FANCC: variants seen among roughly 807,000 people sequenced by gnomAD.
FANCC encodes the protein Fanconi anemia group C protein.
FANCC carries 55 observed loss-of-function variants against 71.3 expected under a neutral mutation model. That is an observed-to-expected ratio of 0.77 (90% CI 0.62 to 0.97). The LOEUF is 0.97. Ranked by LOEUF, FANCC falls within the 50% of genes least tolerant of loss-of-function variation. The pLI is 0.00. For synonymous variants in FANCC, 275 were observed against 244.9 expected, an observed-to-expected ratio of 1.12 and a Z score of -1.15; for missense variants, 678 against 670.9, an observed-to-expected ratio of 1.01 and a Z score of -0.12.
chr9:95,145,381 A>C (rs1362948411), intron 7 of FANCC: 1 of 152,224 alleles, frequency 6.6e-6, no homozygotes, highest in Non-Finnish European at 1.5e-5. Context: ...AGATCACAAA[A>C]GCTTAACAAA....
chr9:95,313,973 G>C (rs780131962), intron 1 of FANCC, among the ~76,000 whole-genome samples: 1 of 152,148 alleles, frequency 6.6e-6, no homozygotes, highest in Non-Finnish European at 1.5e-5. Flanking sequence ...TACAGCTAAC[G>C]TCGTATCTAA....
intron 4 of FANCC, among the ~76,000 whole-genome samples, chr9:95,233,221 A>C (rs993260586): frequency 5.9e-5 from 9 of 152,042 alleles, no homozygotes; most frequent in Non-Finnish European, 1.0e-4. Flanking sequence ...AAAAAAAAAA[A>C]CCCTGAGGTT....
intron 4 of FANCC, among the ~76,000 whole-genome samples, chr9:95,219,002 A>G (rs1307816694): frequency 6.6e-6 from 1 of 152,200 alleles, no homozygotes; most frequent in Non-Finnish European, 1.5e-5. Context: ...AGCATGGGAG[A>G]GACAAAGAGA....
At chr9:95,272,567 T>C (rs1310774685) in intron 1 of FANCC, among the ~76,000 whole-genome samples, 1 of 151,994 alleles carries the variant, frequency 6.6e-6, no homozygotes, top group Non-Finnish European at 1.5e-5. Context: ...CGTGGTGTCA[T>C]ATGTCTGTAA....
rs1834136774 is a variant in FANCC at position 95,292,871 on chromosome 9, C to A, written c.-79+24655G>T. On this transcript the variant is annotated intron_variant, in intron 1 of 14. Coordinates refer to ENST00000289081, the MANE Select transcript of FANCC (RefSeq NM_000136.3). ...GCAATTCGTACGGTACAGAATGGGA[C>A]CTGAAAAGACTTGCAGAGGACTGTG... is the stretch of plus-strand genomic sequence containing the variant. The A allele has an allele frequency of 2.5e-6, 4 of 1,585,300 alleles. No individual in the cohort carries two copies. The East Asian group carries it at 8.9e-5, about 35-fold the overall frequency.
At chr9:95,184,919 C>T (rs1826615574) in intron 4 of FANCC, among the ~76,000 whole-genome samples, 1 of 152,210 alleles carries the variant, frequency 6.6e-6, no homozygotes. Flanking sequence ...TCAGATACTT[C>T]ACACTATCCT....
intron 4 of FANCC, among the ~76,000 whole-genome samples, chr9:95,217,506 A>G (rs147382129): frequency 1.6e-3 from 251 of 152,206 alleles, no homozygotes; most frequent in African/African-American, 5.7e-3. Flanking sequence ...CAAAAAACAC[A>G]TTTCTAAATA....
intron 1 of FANCC, among the ~76,000 whole-genome samples, chr9:95,316,084 GA>G (rs888081826): frequency 2.6e-5 from 4 of 152,144 alleles, no homozygotes; most frequent in Admixed American, 2.6e-4. Flanking sequence ...GAAATCAAGA[GA>G]AAATATGACC....
intron 6 of FANCC, among the ~76,000 whole-genome samples, chr9:95,154,329 A>G (rs1830342331): frequency 6.6e-6 from 1 of 151,582 alleles, no homozygotes; most frequent in Non-Finnish European, 1.5e-5. Flanking sequence ...TGTTTCTGAT[A>G]GGAACATAAA....
intron 10 of FANCC, among the ~76,000 whole-genome samples, chr9:95,118,314 T>C (rs1826690813): frequency 6.6e-6 from 1 of 152,256 alleles, no homozygotes; most frequent in African/African-American, 2.4e-5. Flanking sequence ...CCACTGAGCC[T>C]GGCTCAGCAT....
chr9:95,166,293 T>C (rs1004964915), intron 6 of FANCC, among the ~76,000 whole-genome samples: 2 of 152,224 alleles, frequency 1.3e-5, no homozygotes, highest in South Asian at 4.1e-4. Flanking sequence ...AGTTATTCTG[T>C]TCACGATTTT....
intron 2 of FANCC, among the ~76,000 whole-genome samples, chr9:95,248,103 T>C (rs763560779): frequency 4.6e-5 from 7 of 152,154 alleles, no homozygotes; most frequent in South Asian, 2.1e-4. Context: ...AACCCTGAAA[T>C]AGAAAAAGGA....
intron 12 of FANCC, among the ~76,000 whole-genome samples, chr9:95,112,744 C>A (rs2072050503): frequency 6.6e-6 from 1 of 152,210 alleles, no homozygotes; most frequent in Admixed American, 6.5e-5. Flanking sequence ...TGGTCCTTCC[C>A]TCTGTCTTCC....
intron 9 of FANCC, among the ~76,000 whole-genome samples, chr9:95,125,602 C>T (rs1269744314): frequency 2.0e-5 from 3 of 152,140 alleles, no homozygotes; most frequent in Admixed American, 2.0e-4. Context: ...TACCTGGTTT[C>T]GCTTCCATGC....
chr9:95,275,554 G>T (rs1262840148), intron 1 of FANCC, among the ~76,000 whole-genome samples: 1 of 152,066 alleles, frequency 6.6e-6, no homozygotes, highest in Non-Finnish European at 1.5e-5. Context: ...CACTCTGGTG[G>T]GGGATGTTGA....
chr9:95,186,540 A>G (rs962710599), intron 4 of FANCC: 2 of 152,258 alleles, frequency 1.3e-5, no homozygotes, highest in African/African-American at 4.8e-5. Flanking sequence ...ATAAAGATAG[A>G]TATTGGCAAT....
intron 13 of FANCC, among the ~76,000 whole-genome samples, chr9:95,107,732 C>T (rs868095744): frequency 2.0e-5 from 3 of 151,938 alleles, no homozygotes; most frequent in Non-Finnish European, 4.4e-5. Context: ...GGCGGGGGGT[C>T]GGGGGGAACA....
intron 4 of FANCC, among the ~76,000 whole-genome samples, chr9:95,216,766 G>C (rs932382799): frequency 2.0e-5 from 3 of 152,098 alleles, no homozygotes; most frequent in Non-Finnish European, 4.4e-5. Context: ...CTCTCCCATA[G>C]GTCTTCTGGG....
chr9:95,308,753 G>A (rs1490317104), intron 1 of FANCC, among the ~76,000 whole-genome samples: 1 of 152,220 alleles, frequency 6.6e-6, no homozygotes, highest in African/African-American at 2.4e-5. Context: ...GCACACACGT[G>A]TAGAACTAAA....
Sources: gnomAD v4.1 joint callset for allele counts (sites outside exome capture counted in the v4.1 genomes callset) on GRCh38, gnomAD v4.1.1 for gene constraint, MANE v1.5 for transcripts, NCBI Gene and HGNC (gene_info 2026-07-23, HGNC 2026-07-21) for gene names.